MAPK11: variants seen among roughly 807,000 people sequenced by gnomAD.
MAPK11 encodes the protein MAP kinase 11.
In MAPK11, 44 loss-of-function variants were observed where a neutral mutation model predicts 52.2. The ratio of observed to expected loss-of-function variants is 0.84; its 90% CI spans 0.66 to 1.08. The LOEUF is 1.08. Ranked by LOEUF, MAPK11 falls within the 50% of genes least tolerant of loss-of-function variation. The probability of loss-of-function intolerance (pLI) is 0.00; values close to 1 mark genes in which losing one functional copy is unlikely to be tolerated. For missense variants in MAPK11, 436 were observed against 494.7 expected (o/e 0.88, Z 1.13); for synonymous variants, 233 against 206.3 (o/e 1.13, Z -1.11).
At chr22:50,269,465 A>T (rs1357610638) in intron 1 of MAPK11, among the ~76,000 whole-genome samples, 1 of 152,158 alleles carries the variant, frequency 6.6e-6, no homozygotes, top group African/African-American at 2.4e-5. Flanking sequence ...CACCTCTCAA[A>T]GCCTGTACCC....
At chr22:50,269,221 A>G (rs1374171862) in intron 1 of MAPK11, among the ~76,000 whole-genome samples, 1 of 152,058 alleles carries the variant, frequency 6.6e-6, no homozygotes, top group East Asian at 1.9e-4. Flanking sequence ...AGAATGACCC[A>G]CCTACAGCTT....
At chr22:50,266,416 C>A in intron 8 of MAPK11, 111 bp from the exon 9 acceptor site, 1 of 1,401,454 alleles carries the variant, frequency 7.1e-7, no homozygotes, top group Non-Finnish European at 9.7e-7. Context: ...TGAGGATGGC[C>A]AGCCCAAAGT....
chr22:50,266,437 G>A, intron 8 of MAPK11, 103 bp downstream of exon 8: 1 of 1,369,228 alleles, frequency 7.3e-7, no homozygotes, highest in South Asian at 1.4e-5. Context: ...AGCATAGCAT[G>A]GGGGGCAGAG....
rs917916366 is a variant in MAPK11 at position 50,267,455 on chromosome 22, G to A, written c.333C>T (p.Ala111=). Residue 111 remains alanine (A), a synonymous_variant, in exon 4 of 12, where the codon GCC becomes GCT. Coordinates refer to ENST00000330651, the MANE Select transcript of MAPK11 (RefSeq NM_002751.7). ...GGCACTTGACGATGTTGTTCAGGTC[G>A]GCGCCCATCAGGGTGGTCACCAAGT... ...EVYLVTTLMG[A]DLNNIVKCQA... is the part of the protein sequence containing the mutation. 7 of 1,608,702 alleles carry A rather than the reference G, an allele frequency of 4.4e-6. No individual in the cohort carries two copies. The East Asian group carries it at 1.3e-4, about 31-fold the overall frequency.
Position 50,270,229 on chromosome 22 carries a change from G to T in MAPK11, c.64C>A (p.Gln22Lys). The T allele has an allele frequency of 6.6e-7, 1 of 1,510,030 alleles. No homozygotes were observed. The highest frequency in any genetic ancestry group is 8.8e-7 in the Non-Finnish European group (1 of 1,135,294). 93.5% of individuals were successfully genotyped at this position (1,510,030 alleles called of 1,614,324 possible). A position where few individuals can be genotyped will look rare whatever the true frequency, so the allele number is the denominator to read the frequency against. ...ELNKTVWEVP[Q>K]RLQGLRPVGS... is the part of the protein sequence containing the mutation. Reference sequence around the variant, plus strand: ...ACCGGGCGCAGCCCCTGCAGCCGCTGCGGCACCTCCCACACGGTCTTGTTC... The same window carrying T: ...ACCGGGCGCAGCCCCTGCAGCCGCTTCGGCACCTCCCACACGGTCTTGTTC... The change falls in exon 1 of 12, where the codon CAG (glutamine) becomes AAG (lysine). Residue 22 changes from glutamine (Q) to lysine (K), a missense_variant. Coordinates refer to ENST00000330651, the MANE Select transcript of MAPK11 (RefSeq NM_002751.7). This position sits in a 1 kb window ranked among gnomAD's most constrained non-coding sequence, Gnocchi z 6.3.
intron 8 of MAPK11, 37 bp downstream of exon 8, chr22:50,266,503 C>G: frequency 5.3e-6 from 8 of 1,508,252 alleles, no homozygotes; most frequent in Non-Finnish European, 6.2e-6. Flanking sequence ...AGGAGGGGCC[C>G]TGTTTGACCC....
Position 50,266,990 on chromosome 22 carries a change from G to A in MAPK11, c.554C>T (p.Thr185Met), listed in dbSNP as rs765353722. 2.5e-6 allele frequency: 4 copies of A among 1,612,514 alleles called. No homozygotes were observed. The highest frequency in any genetic ancestry group is 2.2e-5 in the East Asian group (1 of 44,880). Reference protein sequence around the residue: ...ADEEMTGYVATRWYRAPEIML... With the variant: ...ADEEMTGYVAMRWYRAPEIML... ...GATCTCAGGTGCCCGGTACCAGCGCGTGGCCACATAGCCGGTCATCTCCTC... is the reference window on the plus strand; with the variant it reads ...GATCTCAGGTGCCCGGTACCAGCGCATGGCCACATAGCCGGTCATCTCCTC... The change falls in exon 7 of 12, where the codon ACG (threonine) becomes ATG (methionine). Residue 185 changes from threonine to methionine, a missense_variant. Transcript: ENST00000330651.
chr22:50,266,629 G>A lies in MAPK11; in HGVS notation c.611-18C>T, dbSNP rs1234103629. The A allele has an allele frequency of 6.4e-7, 1 of 1,570,706 alleles. No individual in the cohort carries two copies. Among genetic ancestry groups the A allele is most frequent in the Non-Finnish European group, 8.6e-7 (1 of 1,157,444 alleles). On this transcript the variant is annotated intron_variant, in intron 7 of 11. Transcript: ENST00000330651. ...GATATCCACTGTGCGAGGGCGAGGG[G>A]ACCTCCATCAGTGTGCCCACCCCAC... is the stretch of plus-strand genomic sequence containing the variant.
In MAPK11 at chr22:50,270,036, T is replaced by A; in HGVS notation, c.116+141A>T. On this transcript the variant is annotated intron_variant, in intron 1 of 11. Coordinates refer to ENST00000330651, the MANE Select transcript of MAPK11 (RefSeq NM_002751.7). This position sits in a 1 kb window ranked among gnomAD's most constrained non-coding sequence, Gnocchi z 6.3. The stretch of plus-strand genomic sequence containing the variant: ...GCCGCCACCCCCGCCCCCCCATTCA[T>A]TCCTCAGATCCGCTTGGCGCCCGGG... The A allele has an allele frequency of 5.0e-6, 1 of 198,088 alleles. No homozygotes were observed. 12.3% of individuals were successfully genotyped at this position (198,088 alleles called of 1,614,324 possible). A position where few individuals can be genotyped will look rare whatever the true frequency, so the allele number is the denominator to read the frequency against.
chr22:50,267,683 C>A, intron 2 of MAPK11, 56 bp from the exon 3 acceptor site: 1 of 1,470,046 alleles, frequency 6.8e-7, no homozygotes, highest in South Asian at 1.3e-5. Flanking sequence ...TCGTTCAGCT[C>A]CCCCCGGGCC....
intron 9 of MAPK11, among the ~76,000 whole-genome samples, 168 bp downstream of exon 9, chr22:50,266,057 TC>T (rs2147268865): frequency 6.6e-6 from 1 of 152,048 alleles, no homozygotes; most frequent in African/African-American, 2.4e-5. Context: ...AGGAATGTCT[TC>T]CCCCTTCTCC....
intron 4 of MAPK11, 37 bp from the exon 5 acceptor site, chr22:50,267,323 C>A: frequency 6.6e-7 from 1 of 1,519,238 alleles, no homozygotes; most frequent in Non-Finnish European, 9.0e-7. Flanking sequence ...CCGGGCCCGG[C>A]CCGCCCGCCC....
In MAPK11 at chr22:50,267,608, A is replaced by G; in HGVS notation, c.266T>C (p.Val89Ala). Reference sequence around the variant, plus strand: ...CTCGATGGACGTGGCCGGCGTGAAGACGTCCAGAAGCCCGATGACCTAGGT... The same window carrying G: ...CTCGATGGACGTGGCCGGCGTGAAGGCGTCCAGAAGCCCGATGACCTAGGT... ...KHENVIGLLD[V>A]FTPATSIEDF... The change falls in exon 3 of 12, where the codon GTC becomes GCC. Residue 89 changes from valine to alanine, a missense_variant. Physicochemically the swap from Val to Ala is moderately conservative, Grantham distance 64. Transcript: ENST00000330651. 6.5e-7 allele frequency: 1 copy of G among 1,543,026 alleles called. No individual in the cohort carries two copies. Among genetic ancestry groups the G allele is most frequent in the Non-Finnish European group, 8.7e-7 (1 of 1,144,948 alleles).
chr22:50,270,169 GC>G lies in MAPK11; in HGVS notation c.116+7del. 2 of 1,174,924 alleles carry G rather than the reference GC, an allele frequency of 1.7e-6. No homozygotes were observed. Among genetic ancestry groups the G allele is most frequent in the Admixed American group, 3.2e-5 (1 of 31,044 alleles). The allele number at this position is 1,174,924 out of a possible 1,614,324, so 72.8% of individuals were successfully genotyped here. ...CCCCACCCAGCACCCCTTCTGCCCC[GC>G]CCCTACCAGACGGAGCCGTAGGCGC... is the stretch of plus-strand genomic sequence containing the variant. On this transcript the variant is annotated splice_region_variant and intron_variant, in intron 1 of 11. Transcript: ENST00000330651. The surrounding 1 kb of genome is among the most constrained non-coding windows in gnomAD (Gnocchi z 6.3).
chr22:50,267,034 C>A lies in MAPK11; in HGVS notation c.510G>T (p.Gly170=). 6.2e-7 allele frequency: 1 copy of A among 1,612,218 alleles called. No homozygotes were observed. The highest frequency in any genetic ancestry group is 8.5e-7 in the Non-Finnish European group (1 of 1,179,548). ...EDCELRILDF[G]LARQADEEMT... ...TCTCCTCGTCCGCCTGGCGCGCCAG[C>A]CCAAAATCCAGGATCTGGGGCGACC... is the stretch of plus-strand genomic sequence containing the variant. The change falls in exon 7 of 12, where the codon GGG becomes GGT. Residue 170 remains glycine (G), a synonymous_variant. Transcript: ENST00000330651.
At chr22:50,267,506 GA>G (rs2065273603) in intron 3 of MAPK11, 24 bp from the exon 4 acceptor site, 18 of 1,584,342 alleles carry the variant, frequency 1.1e-5, no homozygotes, top group Non-Finnish European at 1.5e-5. Context: ...AGGGGGTCAG[GA>G]CAGGGCCCCA....
Position 50,269,287 on chromosome 22 carries a change from CCT to C in MAPK11, c.116+888_116+889del, listed in dbSNP as rs2065289575. On this transcript the variant is annotated intron_variant, in intron 1 of 11. Coordinates refer to ENST00000330651, the MANE Select transcript of MAPK11 (RefSeq NM_002751.7). Reference sequence around the variant, plus strand: ...ACAGCCTGCCCTGGGACCCCCGGCCCCTGATGCCGGCTCCTGAGCTCCAAATC... The same window carrying C: ...ACAGCCTGCCCTGGGACCCCCGGCCCGATGCCGGCTCCTGAGCTCCAAATC... Among the ~76,000 whole-genome samples, 7 of 152,292 alleles carry C rather than the reference CCT, an allele frequency of 4.6e-5. No individual in the cohort carries two copies. In the South Asian group the frequency reaches 1.4e-3, roughly 32 times the overall value.
chr22:50,265,715 C>T, intron 9 of MAPK11, 55 bp from the exon 10 acceptor site: 1 of 1,164,868 alleles, frequency 8.6e-7, no homozygotes, highest in Non-Finnish European at 1.2e-6. Flanking sequence ...CTCCCTGGCC[C>T]CAAACTGGGG....
chr22:50,265,529 C>T (rs907525753), intron 10 of MAPK11, 35 bp from the exon 11 acceptor site: 1 of 1,612,814 alleles, frequency 6.2e-7, no homozygotes, highest in Non-Finnish European at 8.5e-7. Flanking sequence ...GGGGGGTCAG[C>T]TGTACATCCA....
Sources: allele counts gnomAD v4.1 joint callset (sites outside exome capture counted in the v4.1 genomes callset), GRCh38; gene constraint gnomAD v4.1.1; non-coding constraint Gnocchi (gnomAD v3.1); transcripts MANE v1.5; gene names NCBI Gene and HGNC (gene_info 2026-07-23, HGNC 2026-07-21).